Variants in GALNT9 observed in about 807,000 individuals in gnomAD.
GALNT9 encodes the protein GalNAc transferase 9.
Under a neutral mutation model 63.1 loss-of-function variants are expected in GALNT9, and 47 were observed. The ratio of observed to expected loss-of-function variants is 0.75; its 90% CI spans 0.59 to 0.95. The LOEUF (loss-of-function observed/expected upper bound fraction) is 0.95, where lower values mean the gene tolerates loss of function less well. Ranked by LOEUF, GALNT9 falls within the 40% of genes least tolerant of loss-of-function variation. The pLI, the probability that GALNT9 is intolerant of heterozygous loss-of-function variation, is 0.00. For synonymous variants in GALNT9, 396 were observed against 365.7 expected, an observed-to-expected ratio of 1.08 and a Z score of -0.94; for missense variants, 829 against 874.8, an observed-to-expected ratio of 0.95 and a Z score of 0.66.
chr12:132,215,562 A>G (rs1479898774), intron 6 of GALNT9, among the ~76,000 whole-genome samples: 1 of 152,256 alleles, frequency 6.6e-6, no homozygotes, highest in Non-Finnish European at 1.5e-5. Flanking sequence ...TCCGAGGGCC[A>G]GGCAAGGCTA....
rs1869188997 is a variant in GALNT9 at position 132,329,214 on chromosome 12, G to A, written c.-11C>T. The A allele has an allele frequency of 3.2e-6, 5 of 1,539,220 alleles. No homozygotes were observed. In the South Asian group the frequency reaches 6.0e-5, roughly 18 times the overall value. On this transcript the variant is annotated 5_prime_UTR_variant, in exon 1 of 11. Coordinates refer to ENST00000328957, the MANE Select transcript of GALNT9 (RefSeq NM_001122636.2). ...CCTGGCCACCGCCATGAACACGGCT[G>A]CAGCGGGGGCCTCACCCGCGGGGCA...
intron 2 of GALNT9, chr12:132,280,562 C>T (rs1295055479): frequency 1.3e-5 from 2 of 152,276 alleles, no homozygotes; most frequent in African/African-American, 4.8e-5. Flanking sequence ...CCCACGTCCT[C>T]CCCGGAGGGC....
At chr12:132,201,759 C>T (rs573649415) in intron 7 of GALNT9, among the ~76,000 whole-genome samples, 8 of 152,088 alleles carry the variant, frequency 5.3e-5, no homozygotes, top group Non-Finnish European at 7.4e-5. Flanking sequence ...GGACCCCCCG[C>T]GGGGGGACAC....
intron 1 of GALNT9, among the ~76,000 whole-genome samples, chr12:132,307,610 G>T (rs1284064895): frequency 6.6e-6 from 1 of 150,782 alleles, no homozygotes; most frequent in Non-Finnish European, 1.5e-5. Flanking sequence ...AAGGCGGGTG[G>T]ATCACCAGGT....
chr12:132,267,832 CACACATGCATACAACCCACAT>C (rs1879685993), intron 2 of GALNT9, among the ~76,000 whole-genome samples: 6 of 149,780 alleles, frequency 4.0e-5, no homozygotes, highest in African/African-American at 1.2e-4. Flanking sequence ...CATGCAGTCA[CACACATGCATACAACCCACAT>C]GCACACACAC....
intron 6 of GALNT9, among the ~76,000 whole-genome samples, chr12:132,209,064 G>T (rs1478316512): frequency 6.6e-6 from 1 of 152,190 alleles, no homozygotes; most frequent in Non-Finnish European, 1.5e-5. Context: ...CACAGCCAGG[G>T]CGGAAGTCCA....
chr12:132,217,465 G>GCC (rs1281187398), intron 6 of GALNT9, among the ~76,000 whole-genome samples: 1 of 130,236 alleles, frequency 7.7e-6, no homozygotes. Flanking sequence ...CCTGCATCCA[G>GCC]CCAGCCATCC....
intron 5 of GALNT9, among the ~76,000 whole-genome samples, chr12:132,253,019 A>G (rs1029154213): frequency 6.6e-6 from 1 of 152,204 alleles, no homozygotes; most frequent in Admixed American, 6.5e-5. Flanking sequence ...AAGTCACATG[A>G]TCACAGGACA....
In GALNT9 at chr12:132,201,526, G is replaced by T. The variant is rs115706419; in HGVS notation, c.1264-265C>A. 3.0e-3 allele frequency among the ~76,000 whole-genome samples: 457 copies of T among 152,282 alleles called. 2 individuals are homozygous for T. Among genetic ancestry groups the T allele is most frequent in the African/African-American group, 0.011 (438 of 41,544 alleles). On this transcript the variant is annotated intron_variant, in intron 7 of 10. Transcript: ENST00000328957. ...AGACGGCCCCTGCTGCAGCCGGCTC[G>T]TCCACACCCACCCGGGCCCAGGAAC...
At chr12:132,203,424 C>A in intron 7 of GALNT9, 81 bp downstream of exon 7, 1 of 1,371,240 alleles carries the variant, frequency 7.3e-7, no homozygotes, top group Non-Finnish European at 1.0e-6. Context: ...CCCTAGGGGG[C>A]CTCCCTCCGG....
At position 132,246,723 on chromosome 12, in the gene GALNT9, G is replaced by A. The variant is rs1878717617; in HGVS notation, c.1077+1187C>T. Reference sequence around the variant, plus strand: ...AATTTTTGTATTTTTAGTAGAGGCAGGGTTTTACCATACTGGTCAGGCTGG... The same window carrying A: ...AATTTTTGTATTTTTAGTAGAGGCAAGGTTTTACCATACTGGTCAGGCTGG... On this transcript the variant is annotated intron_variant, in intron 6 of 10. Transcript: ENST00000328957. The surrounding 1 kb of genome is among the most constrained non-coding windows in gnomAD (Gnocchi z 4.7). Among the ~76,000 whole-genome samples the A allele has an allele frequency of 1.3e-5, 2 of 152,274 alleles. No homozygotes were observed. The highest frequency in any genetic ancestry group is 4.8e-5 in the African/African-American group (2 of 41,562).
chr12:132,306,067 G>A (rs868952749), intron 1 of GALNT9, among the ~76,000 whole-genome samples: 1 of 152,174 alleles, frequency 6.6e-6, no homozygotes, highest in Non-Finnish European at 1.5e-5. Context: ...GGACAGCAGC[G>A]GCCACCTCAC....
intron 5 of GALNT9, among the ~76,000 whole-genome samples, chr12:132,254,793 G>C (rs1189967817): frequency 6.6e-6 from 1 of 152,198 alleles, no homozygotes; most frequent in African/African-American, 2.4e-5. Flanking sequence ...TAAGGACCCA[G>C]CTCTAGAGAA....
chr12:132,327,134 G>A lies in GALNT9; in HGVS notation c.238+1832C>T, dbSNP rs1031391330. Among the ~76,000 whole-genome samples the A allele has an allele frequency of 1.3e-5, 2 of 152,154 alleles. No homozygotes were observed. The highest frequency in any genetic ancestry group is 2.9e-5 in the Non-Finnish European group (2 of 68,020). ...GCAGACAGATGGCAGGGGCCGTTCG[G>A]AGAAAGGCTGACAAGGGAGGACAGC... On this transcript the variant is annotated intron_variant, in intron 1 of 10. Coordinates refer to ENST00000328957, the MANE Select transcript of GALNT9 (RefSeq NM_001122636.2). This position sits in a 1 kb window ranked among gnomAD's most constrained non-coding sequence, Gnocchi z 4.3.
rs1482229891 is a variant in GALNT9 at position 132,243,247 on chromosome 12, C to A, written c.1077+4663G>T. Among the ~76,000 whole-genome samples the A allele has an allele frequency of 2.5e-4, 28 of 113,140 alleles. 1 individual carries two copies. Among genetic ancestry groups the A allele is most frequent in the Non-Finnish European group, 3.5e-4 (18 of 51,192 alleles). The allele number at this position is 113,140 out of a possible 152,430, so 74.2% of individuals were successfully genotyped here. On this transcript the variant is annotated intron_variant, in intron 6 of 10. Transcript: ENST00000328957. ...TTACACACACGCCACACCCCCTTCC[C>A]GGGGCCCTCCCTATACCCATTACAC...
At chr12:132,299,928 ACTG>A (rs1457998368) in intron 1 of GALNT9, among the ~76,000 whole-genome samples, 2 of 141,968 alleles carry the variant, frequency 1.4e-5, no homozygotes, top group Non-Finnish European at 3.0e-5. Flanking sequence ...TAACCAAGCC[ACTG>A]CTGAGATAAC....
intron 6 of GALNT9, among the ~76,000 whole-genome samples, chr12:132,244,907 C>G (rs1878649504): frequency 1.3e-5 from 2 of 151,000 alleles, no homozygotes; most frequent in South Asian, 4.2e-4. Context: ...CTGTCTCCCA[C>G]CGTAGAGCAA....
In GALNT9 at chr12:132,252,956, C is replaced by T. The variant is rs1555238719; in HGVS notation, c.959+4733G>A. Among the ~76,000 whole-genome samples, 2 of 151,274 alleles carry T rather than the reference C, an allele frequency of 1.3e-5. No homozygotes were observed. Among genetic ancestry groups the T allele is most frequent in the East Asian group, 1.9e-4 (1 of 5,158 alleles). On this transcript the variant is annotated intron_variant, in intron 5 of 10. Coordinates refer to ENST00000328957, the MANE Select transcript of GALNT9 (RefSeq NM_001122636.2). The surrounding 1 kb of genome is among the most constrained non-coding windows in gnomAD (Gnocchi z 5.2). ...GCGCTGATATTTATTGCATACAGGA[C>T]GAGGGGGCAGGGTAAGGAGGGTGAA...
chr12:132,329,317 C>CG lies in GALNT9; in HGVS notation c.-115dup. ...GAGCCGCCCGGGGCTGCGGGGGCTG[C>CG]GGGGCTCGGCCGGAGCTGTCCCTTC... On this transcript the variant is annotated 5_prime_UTR_variant, in exon 1 of 11. Coordinates refer to ENST00000328957, the MANE Select transcript of GALNT9 (RefSeq NM_001122636.2). The CG allele has an allele frequency of 7.1e-7, 1 of 1,408,254 alleles. No homozygotes were observed. Among genetic ancestry groups the CG allele is most frequent in the Non-Finnish European group, 9.3e-7 (1 of 1,070,936 alleles). 87.2% of individuals were successfully genotyped at this position (1,408,254 alleles called of 1,614,324 possible).
Sources: allele counts gnomAD v4.1 joint callset (sites outside exome capture counted in the v4.1 genomes callset), GRCh38; gene constraint gnomAD v4.1.1; non-coding constraint Gnocchi (gnomAD v3.1); transcripts MANE v1.5; gene names NCBI Gene and HGNC (gene_info 2026-07-23, HGNC 2026-07-21).